CLSTN2: variants seen among roughly 807,000 people sequenced by gnomAD.
CLSTN2 encodes the protein calsyntenin 2, also known as calsyntenin-2.
A neutral mutation model predicts 101.2 loss-of-function variants in CLSTN2; 48 were observed. That is an observed-to-expected ratio of 0.47 (90% CI 0.38 to 0.60). CLSTN2 has a LOEUF of 0.60. CLSTN2 is among the 20% of genes least tolerant of loss of function. The pLI is 0.00. For missense variants in CLSTN2, 1,160 were observed against 1,238.2 expected, an observed-to-expected ratio of 0.94 and a Z score of 0.95; for synonymous variants, 481 against 463.6, an observed-to-expected ratio of 1.04 and a Z score of -0.48.
In CLSTN2 at chr3:140,108,712, T is replaced by A. The variant is rs1015779526; in HGVS notation, c.110-67239T>A. On this transcript the variant is annotated intron_variant, in intron 1 of 16. Transcript: ENST00000458420. ...AGCTTGTTTCATCTCATGGTATTTA[T>A]TTTGTTTTGTTTTGTTGTATTTTGA... is the stretch of plus-strand genomic sequence containing the variant. Among the ~76,000 whole-genome samples, 20 of 152,166 alleles carry A rather than the reference T, an allele frequency of 1.3e-4. 1 individual carries two copies. Among genetic ancestry groups the A allele is most frequent in the African/African-American group, 4.6e-4 (19 of 41,432 alleles).
chr3:140,454,567 C>T (rs1026935996), intron 6 of CLSTN2: 1 of 152,172 alleles, frequency 6.6e-6, no homozygotes. Context: ...TATAGATTAT[C>T]AGTCGGGGTA....
chr3:140,077,566 T>G (rs1405505323), intron 1 of CLSTN2, among the ~76,000 whole-genome samples: 3 of 152,146 alleles, frequency 2.0e-5, no homozygotes, highest in Non-Finnish European at 4.4e-5. Context: ...GAGACTCTCT[T>G]TAGTGAGAAG....
intron 6 of CLSTN2, among the ~76,000 whole-genome samples, chr3:140,457,105 C>A (rs1933420965): frequency 6.6e-6 from 1 of 152,188 alleles, no homozygotes; most frequent in East Asian, 1.9e-4. Context: ...AGTTTCAAGC[C>A]CTGCTAGACC....
intron 2 of CLSTN2, among the ~76,000 whole-genome samples, chr3:140,236,551 C>T (rs2086418569): frequency 6.6e-6 from 1 of 152,088 alleles, no homozygotes; most frequent in Non-Finnish European, 1.5e-5. Context: ...ATTATTTCTT[C>T]AAGTGCTTTT....
intron 2 of CLSTN2, among the ~76,000 whole-genome samples, chr3:140,256,113 GT>G (rs1179264978): frequency 6.6e-6 from 1 of 152,154 alleles, no homozygotes; most frequent in Non-Finnish European, 1.5e-5. Context: ...CTAGGTCAAG[GT>G]TAGTCCTAGG....
At chr3:140,194,928 C>A (rs1236268251) in intron 2 of CLSTN2, among the ~76,000 whole-genome samples, 1 of 152,214 alleles carries the variant, frequency 6.6e-6, no homozygotes, top group East Asian at 1.9e-4. Flanking sequence ...TCATTACTGC[C>A]AGTGATGGTG....
chr3:140,102,502 T>C (rs531979304), intron 1 of CLSTN2, among the ~76,000 whole-genome samples: 1 of 152,364 alleles, frequency 6.6e-6, no homozygotes, highest in East Asian at 1.9e-4. Flanking sequence ...CAAAGAATCT[T>C]GCCTCTGATT....
chr3:140,520,607 T>C (rs373475199), intron 8 of CLSTN2, among the ~76,000 whole-genome samples: 1 of 152,198 alleles, frequency 6.6e-6, no homozygotes, highest in African/African-American at 2.4e-5. Context: ...CACGATGAGA[T>C]TTTGGGTGGG....
chr3:140,077,314 AC>A (rs1560087891), intron 1 of CLSTN2, among the ~76,000 whole-genome samples: 1 of 152,026 alleles, frequency 6.6e-6, no homozygotes, highest in African/African-American at 2.4e-5. Context: ...TTGCCAGGTT[AC>A]CCCTCTGTGC....
intron 2 of CLSTN2, among the ~76,000 whole-genome samples, chr3:140,242,563 G>A (rs2086479030): frequency 6.6e-6 from 1 of 152,126 alleles, no homozygotes; most frequent in Admixed American, 6.6e-5. Flanking sequence ...CAGAGTCATG[G>A]CCTGTACCCC....
intron 1 of CLSTN2, among the ~76,000 whole-genome samples, chr3:140,042,391 T>A (rs115984104): frequency 0.039 from 5,971 of 152,298 alleles, 155 homozygotes; most frequent in Non-Finnish European, 0.059. Flanking sequence ...TACCATATTG[T>A]GGTGTCTATT....
chr3:140,347,417 A>G (rs1413354012), intron 2 of CLSTN2, among the ~76,000 whole-genome samples: 1 of 152,214 alleles, frequency 6.6e-6, no homozygotes, highest in Non-Finnish European at 1.5e-5. Context: ...CATACTGGTG[A>G]GCTCCAGACA....
chr3:140,023,600 G>A (rs534901734), intron 1 of CLSTN2, among the ~76,000 whole-genome samples: 42 of 152,242 alleles, frequency 2.8e-4, no homozygotes, highest in Non-Finnish European at 4.6e-4. Context: ...GACTCCATTT[G>A]ATGACCCTCC....
chr3:140,060,537 C>CTGGG (rs2008186292), intron 1 of CLSTN2, among the ~76,000 whole-genome samples: 1 of 152,166 alleles, frequency 6.6e-6, no homozygotes, highest in African/African-American at 2.4e-5. Flanking sequence ...CCAGCTCTGA[C>CTGGG]ACTTCCTGGC....
chr3:140,036,287 GTTTCCATGTCATT>G (rs2007651156), intron 1 of CLSTN2, among the ~76,000 whole-genome samples: 1 of 152,136 alleles, frequency 6.6e-6, no homozygotes, highest in African/African-American at 2.4e-5. Flanking sequence ...TTTTAGAACT[GTTTCCATGTCATT>G]AATTAAAACA....
chr3:140,372,605 A>G (rs572220209), intron 2 of CLSTN2, among the ~76,000 whole-genome samples: 1 of 152,294 alleles, frequency 6.6e-6, no homozygotes, highest in Admixed American at 6.5e-5. Flanking sequence ...GTGAGTCTGA[A>G]GACAACCCTC....
chr3:140,082,161 C>A (rs187210654), intron 1 of CLSTN2, among the ~76,000 whole-genome samples: 6 of 152,282 alleles, frequency 3.9e-5, no homozygotes, highest in Non-Finnish European at 7.4e-5. Context: ...ATTGTTCTGT[C>A]CCCTAGAGCA....
Position 140,236,469 on chromosome 3 carries a change from T to G in CLSTN2, c.232+60396T>G, listed in dbSNP as rs74282495. Among the ~76,000 whole-genome samples the G allele has an allele frequency of 3.2e-3, 489 of 152,320 alleles. 20 individuals carry two copies. The East Asian group carries it at 0.089, about 28-fold the overall frequency. On this transcript the variant is annotated intron_variant, in intron 2 of 16. Transcript: ENST00000458420. ...TTTGATGTATTTTGTGTTTTTGTCA[T>G]TTCTTCCACTTCAGCCTCATTGAGC...
intron 1 of CLSTN2, among the ~76,000 whole-genome samples, chr3:139,959,263 G>C (rs762467954): frequency 4.6e-5 from 7 of 152,112 alleles, no homozygotes; most frequent in Non-Finnish European, 8.8e-5. Context: ...CTCCAGCTGT[G>C]GGGTGGTAGT....
Sources: allele counts gnomAD v4.1 joint callset (sites outside exome capture counted in the v4.1 genomes callset), GRCh38; gene constraint gnomAD v4.1.1; transcripts MANE v1.5; gene names NCBI Gene and HGNC (gene_info 2026-07-23, HGNC 2026-07-21).